The following PLSCR2 variants were observed in gnomAD, a reference collection of about 807,000 sequenced individuals.
PLSCR2 encodes phospholipid scramblase 2.
PLSCR2 carries 18 observed loss-of-function variants against 25.3 expected under a neutral mutation model. That is an observed-to-expected ratio of 0.71 (90% CI 0.49 to 1.06). The LOEUF is 1.06. PLSCR2 is among the 50% of genes least tolerant of loss of function. The pLI, the probability that PLSCR2 is intolerant of heterozygous loss-of-function variation, is 0.00. For synonymous variants in PLSCR2, 88 were observed against 87.3 expected, an observed-to-expected ratio of 1.01 and a Z score of -0.04; for missense variants, 243 against 269.5, an observed-to-expected ratio of 0.90 and a Z score of 0.69.
rs112504810 is a variant in PLSCR2, at chr3:146,490,461, C to T, written c.-293+5434G>A. ...GTCAATGAGATGTTGAAGACTCCCC[C>T]TATTATTGTGATTATCTAATTGTGG... On this transcript the variant is annotated intron_variant, in intron 1 of 8. Transcript: ENST00000336685. Among the ~76,000 whole-genome samples the T allele has an allele frequency of 7.0e-3, 1,068 of 152,186 alleles. 8 individuals carry two copies. Among genetic ancestry groups the T allele is most frequent in the South Asian group, 0.019 (91 of 4,822 alleles).
chr3:146,495,550 G>T (rs1349831040), intron 1 of PLSCR2, among the ~76,000 whole-genome samples: 2 of 152,092 alleles, frequency 1.3e-5, no homozygotes, highest in Non-Finnish European at 2.9e-5. Flanking sequence ...TGCCCTTATA[G>T]AAATAGACCC....
intron 3 of PLSCR2, among the ~76,000 whole-genome samples, chr3:146,391,900 T>C (rs2038093710): frequency 6.6e-6 from 1 of 152,166 alleles, no homozygotes; most frequent in Non-Finnish European, 1.5e-5. Flanking sequence ...GGAAAAAATT[T>C]ATATTTTCAA....
chr3:146,470,266 T>A (rs1021932912), intron 1 of PLSCR2, among the ~76,000 whole-genome samples: 7 of 152,080 alleles, frequency 4.6e-5, no homozygotes, highest in Non-Finnish European at 1.0e-4. Context: ...ACTGATTTTT[T>A]AAAAATTTAT....
At chr3:146,491,665 T>C (rs1300164629) in intron 1 of PLSCR2, among the ~76,000 whole-genome samples, 2 of 152,226 alleles carry the variant, frequency 1.3e-5, no homozygotes, top group Non-Finnish European at 2.9e-5. Flanking sequence ...ATTGCATTAT[T>C]AAATTCCTGA....
At chr3:146,439,113 T>C (rs1171064370), downstream of PLSCR2, among the ~76,000 whole-genome samples, 1 of 152,208 alleles carries the variant, frequency 6.6e-6, no homozygotes, top group Non-Finnish European at 1.5e-5. Flanking sequence ...CCCACTCTCT[T>C]CTGGCTTGTA....
chr3:146,434,253 T>A (rs2039689765), intron 8 of PLSCR2, among the ~76,000 whole-genome samples: 2 of 152,154 alleles, frequency 1.3e-5, no homozygotes, highest in Admixed American at 6.6e-5. Context: ...TCTGGGCAAC[T>A]GAACACTGTT....
At chr3:146,492,633 A>G (rs191826013) in intron 1 of PLSCR2, among the ~76,000 whole-genome samples, 1 of 152,260 alleles carries the variant, frequency 6.6e-6, no homozygotes, top group East Asian at 1.9e-4. Flanking sequence ...AATCTCTGGG[A>G]CACAGCTAAA....
chr3:146,457,259 T>C (rs1449918740), intron 3 of PLSCR2, among the ~76,000 whole-genome samples: 1 of 152,258 alleles, frequency 6.6e-6, no homozygotes, highest in East Asian at 1.9e-4. Context: ...AGATATATTC[T>C]AAAAACCAGC....
chr3:146,435,806 G>C (rs2039813464), intron 8 of PLSCR2, among the ~76,000 whole-genome samples: 2 of 152,140 alleles, frequency 1.3e-5, no homozygotes, highest in African/African-American at 4.8e-5. Flanking sequence ...TTTGGCTTTT[G>C]TTGCCATTGC....
At chr3:146,456,215 A>G (rs148778710) in intron 3 of PLSCR2, among the ~76,000 whole-genome samples, 106 of 152,330 alleles carry the variant, frequency 7.0e-4, no homozygotes, top group African/African-American at 2.4e-3. Flanking sequence ...TGATGCTCAC[A>G]TGGTATCTTA....
chr3:146,441,428 C>T (rs767020771), downstream of PLSCR2, among the ~76,000 whole-genome samples: 23 of 151,778 alleles, frequency 1.5e-4, no homozygotes, highest in Non-Finnish European at 2.7e-4. Context: ...TTTAATAAGG[C>T]TTTAATTTTT....
chr3:146,397,082 C>T (rs1315953089), intron 2 of PLSCR2, among the ~76,000 whole-genome samples: 1 of 152,080 alleles, frequency 6.6e-6, no homozygotes, highest in Non-Finnish European at 1.5e-5. Flanking sequence ...AAACCGGGTT[C>T]ATCAAGTATT....
At chr3:146,495,839 A>C in intron 1 of PLSCR2, 1 of 1,368,948 alleles carries the variant, frequency 7.3e-7, no homozygotes, top group Non-Finnish European at 1.0e-6. Context: ...TGTAGTAGTT[A>C]TAGAGATCAA....
chr3:146,414,130 A>G (rs1240628580), intron 2 of PLSCR2, among the ~76,000 whole-genome samples: 4 of 152,194 alleles, frequency 2.6e-5, no homozygotes, highest in Non-Finnish European at 4.4e-5. Flanking sequence ...TCCTTTTATC[A>G]GGAATCCACT....
At chr3:146,486,382 C>CTT (rs1553793125) in intron 1 of PLSCR2, among the ~76,000 whole-genome samples, 1 of 144,868 alleles carries the variant, frequency 6.9e-6, no homozygotes, top group Admixed American at 6.9e-5. Context: ...AATCCAGGAG[C>CTT]TTTTTTTTTT....
intron 2 of PLSCR2, among the ~76,000 whole-genome samples, chr3:146,407,457 A>G (rs952484192): frequency 4.0e-5 from 6 of 151,586 alleles, no homozygotes; most frequent in African/African-American, 1.5e-4. Flanking sequence ...TCAATTTCCC[A>G]GTTTTCTTCT....
chr3:146,405,361 A>C (rs2038629746), intron 2 of PLSCR2, among the ~76,000 whole-genome samples: 1 of 152,086 alleles, frequency 6.6e-6, no homozygotes, highest in South Asian at 2.1e-4. Context: ...CTTATCAGTT[A>C]ATTGCATTCT....
chr3:146,473,150 C>A lies in PLSCR2; in HGVS notation c.-292-12866G>T, dbSNP rs1045130515. Among the ~76,000 whole-genome samples, 3 of 152,104 alleles carry A rather than the reference C, an allele frequency of 2.0e-5. No individual in the cohort carries two copies. The East Asian group carries it at 5.8e-4, about 29-fold the overall frequency. On this transcript the variant is annotated intron_variant, in intron 1 of 8. Coordinates refer to the PLSCR2 transcript ENST00000336685. ...TGTCTTGCAAAATGATTTGCCACATCTGCTTTTTTTCATATTCTCAAATTT... is the reference window on the plus strand; with the variant it reads ...TGTCTTGCAAAATGATTTGCCACATATGCTTTTTTTCATATTCTCAAATTT...
intron 1 of PLSCR2, among the ~76,000 whole-genome samples, chr3:146,483,744 A>G (rs1175388458): frequency 6.6e-6 from 1 of 151,630 alleles, no homozygotes; most frequent in Non-Finnish European, 1.5e-5. Context: ...CAGTAACAAC[A>G]GCATCAACAA....
Sources: gnomAD v4.1 joint callset for allele counts (sites outside exome capture counted in the v4.1 genomes callset) on GRCh38, gnomAD v4.1.1 for gene constraint, MANE v1.5 for transcripts, NCBI Gene and HGNC (gene_info 2026-07-23, HGNC 2026-07-21) for gene names.